Variants in MAST4 observed in about 807,000 individuals in gnomAD.
The protein encoded by MAST4 is microtubule-associated serine/threonine-protein kinase 4.
MAST4 carries 89 observed loss-of-function variants against 162.7 expected under a neutral mutation model. The observed-to-expected ratio is 0.55, with a 90% CI of 0.46 to 0.65. The LOEUF (loss-of-function observed/expected upper bound fraction) is 0.65. Among genes scored for constraint, MAST4 ranks in the 30% least tolerant of loss-of-function variants. MAST4 has a pLI of 0.00. For synonymous variants in MAST4, 1,479 were observed against 1,361.1 expected, an observed-to-expected ratio of 1.09 and a Z score of -1.91; for missense variants, 3,153 against 3,374.0, an observed-to-expected ratio of 0.93 and a Z score of 1.62.
intron 3 of MAST4, among the ~76,000 whole-genome samples, chr5:66,890,504 A>G (rs1323632036): frequency 6.6e-6 from 1 of 152,162 alleles, no homozygotes; most frequent in Non-Finnish European, 1.5e-5. Flanking sequence ...TGATTATTTG[A>G]CTTGTTACGC....
intron 3 of MAST4, among the ~76,000 whole-genome samples, chr5:66,897,739 C>A (rs1204163311): frequency 2.0e-5 from 3 of 152,140 alleles, no homozygotes; most frequent in African/African-American, 7.2e-5. Flanking sequence ...GCTGCCATCC[C>A]GTGGAGCAGC....
chr5:66,733,860 G>C (rs1752007268), intron 1 of MAST4, among the ~76,000 whole-genome samples: 1 of 152,084 alleles, frequency 6.6e-6, no homozygotes, highest in Admixed American at 6.6e-5. Context: ...TTACTTAGTG[G>C]TATATGCCTG....
chr5:66,694,977 A>G (rs778048145), intron 1 of MAST4, among the ~76,000 whole-genome samples: 9 of 151,370 alleles, frequency 5.9e-5, no homozygotes, highest in Non-Finnish European at 1.3e-4. Flanking sequence ...TTGTCTGTTC[A>G]CTCTGATGAT....
chr5:67,153,482 T>C lies in MAST4; in HGVS notation c.3550T>C (p.Cys1184Arg), dbSNP rs759047418. ...GAATGTAGAAGAAGGAAGTCCGGCA[T>C]GCCAGGCAGGACTGAAGGCTGGAGA... The part of the protein sequence containing the change: ...VWNVEEGSPA[C>R]QAGLKAGDLI... Residue 1184 changes from cysteine to arginine, a missense_variant, in exon 26 of 29, where the codon TGC becomes CGC. Coordinates refer to ENST00000403625, the MANE Select transcript of MAST4 (RefSeq NM_001164664.2). The C allele has an allele frequency of 3.1e-6, 5 of 1,604,820 alleles. No homozygotes were observed. The highest frequency in any genetic ancestry group is 4.3e-6 in the Non-Finnish European group (5 of 1,175,378).
chr5:66,917,004 T>C, intron 4 of MAST4: 1 of 718,192 alleles, frequency 1.4e-6, no homozygotes. Flanking sequence ...AGAAGTGGAA[T>C]TGCTTGGTCA....
intron 1 of MAST4, among the ~76,000 whole-genome samples, chr5:66,682,186 C>A (rs1416216000): frequency 8.1e-6 from 1 of 123,088 alleles, no homozygotes; most frequent in Non-Finnish European, 1.9e-5. Flanking sequence ...AGGTCAAGAC[C>A]AAGAGTAGTC....
Position 67,153,455 on chromosome 5 carries a change from T to C in MAST4, c.3526-3T>C, listed in dbSNP as rs1342348159. 11 of 1,602,646 alleles carry C rather than the reference T, an allele frequency of 6.9e-6. No individual in the cohort carries two copies. The highest frequency in any genetic ancestry group is 6.8e-5 in the Admixed American group (4 of 58,726). ...ACAAATATCCTCTCCTCTTGGACTT[T>C]AGAATGTAGAAGAAGGAAGTCCGGC... On this transcript the variant is annotated splice_polypyrimidine_tract_variant and splice_region_variant and intron_variant, in intron 25 of 28. Coordinates refer to ENST00000403625, the MANE Select transcript of MAST4 (RefSeq NM_001164664.2).
chr5:66,976,868 T>C (rs1006555098), intron 4 of MAST4, among the ~76,000 whole-genome samples: 3 of 152,308 alleles, frequency 2.0e-5, no homozygotes, highest in Admixed American at 6.5e-5. Context: ...TAAGTACCCT[T>C]TTTAACACTT....
At chr5:66,769,699 G>A (rs557465774) in intron 2 of MAST4, among the ~76,000 whole-genome samples, 5 of 152,306 alleles carry the variant, frequency 3.3e-5, no homozygotes, top group African/African-American at 1.2e-4. Context: ...ATATTATCCT[G>A]TTACAGGACC....
chr5:67,124,232 T>C (rs576099584), intron 14 of MAST4, among the ~76,000 whole-genome samples: 1 of 152,164 alleles, frequency 6.6e-6, no homozygotes, highest in Admixed American at 6.6e-5. Flanking sequence ...CACAGGGAGG[T>C]CAGTGTAGGA....
chr5:66,899,430 A>C (rs556654466), intron 3 of MAST4, among the ~76,000 whole-genome samples: 24 of 152,352 alleles, frequency 1.6e-4, no homozygotes, highest in African/African-American at 5.8e-4. Flanking sequence ...TTGAGAAATA[A>C]TACCAAAAGG....
Position 66,784,906 on chromosome 5 carries a change from C to G in MAST4, c.518-3764C>G, listed in dbSNP as rs56713133. Among the ~76,000 whole-genome samples the G allele has an allele frequency of 2.6e-3, 392 of 152,286 alleles. 1 individual carries two copies. The highest frequency in any genetic ancestry group is 9.1e-3 in the African/African-American group (377 of 41,562). On this transcript the variant is annotated intron_variant, in intron 2 of 28. Coordinates refer to ENST00000403625, the MANE Select transcript of MAST4 (RefSeq NM_001164664.2). ...TGGAACTAAATAAGTTGCTCAACTGCATGTGACTGTAAAAACTGGGTTGCA... is the reference window on the plus strand; with the variant it reads ...TGGAACTAAATAAGTTGCTCAACTGGATGTGACTGTAAAAACTGGGTTGCA...
intron 5 of MAST4, among the ~76,000 whole-genome samples, chr5:67,064,326 G>A (rs774783871): frequency 6.6e-6 from 1 of 152,136 alleles, no homozygotes; most frequent in East Asian, 1.9e-4. Context: ...CAATGAGGGA[G>A]GCGTCCATCT....
chr5:67,131,401 G>A (rs769800071), intron 15 of MAST4, among the ~76,000 whole-genome samples: 1 of 152,040 alleles, frequency 6.6e-6, no homozygotes, highest in Non-Finnish European at 1.5e-5. Flanking sequence ...TACCATCCTC[G>A]TATTACAGGT....
At chr5:66,607,567 T>C (rs1742973120) in intron 1 of MAST4, among the ~76,000 whole-genome samples, 1 of 152,210 alleles carries the variant, frequency 6.6e-6, no homozygotes, top group Non-Finnish European at 1.5e-5. Context: ...TTTAACATGT[T>C]AACAGTAATA....
At chr5:66,891,190 C>T (rs1005386286) in intron 3 of MAST4, among the ~76,000 whole-genome samples, 1 of 152,178 alleles carries the variant, frequency 6.6e-6, no homozygotes, top group Non-Finnish European at 1.5e-5. Context: ...GCCCTCAGTG[C>T]TTTTAGACAG....
intron 3 of MAST4, among the ~76,000 whole-genome samples, chr5:66,831,970 T>C (rs1415319636): frequency 6.6e-6 from 1 of 152,194 alleles, no homozygotes; most frequent in African/African-American, 2.4e-5. Flanking sequence ...GTCAGGGAAA[T>C]TAATTGTTTC....
Position 67,165,335 on chromosome 5 carries a change from G to C in MAST4, c.6156G>C (p.Arg2052Ser). 1 of 1,613,630 alleles carries C rather than the reference G, an allele frequency of 6.2e-7. No individual in the cohort carries two copies. The highest frequency in any genetic ancestry group is 1.7e-5 in the Admixed American group (1 of 60,026). The change falls in exon 29 of 29, where the codon AGG (arginine) becomes AGC (serine). Residue 2052 changes from arginine to serine, a missense_variant. Arg to Ser is a moderately radical substitution (Grantham distance 110, BLOSUM62 -1). Coordinates refer to ENST00000403625, the MANE Select transcript of MAST4 (RefSeq NM_001164664.2). ...ACAAAGATGGCCCAGGTGAGGCGAGGCCCCCGCCCAGAGACAACTCCTCTC... is the reference window on the plus strand; with the variant it reads ...ACAAAGATGGCCCAGGTGAGGCGAGCCCCCCGCCCAGAGACAACTCCTCTC... The part of the protein sequence containing the change: ...TNHKDGPGEA[R>S]PPPRDNSSLH...
At chr5:66,965,587 C>G (rs867967079) in intron 4 of MAST4, among the ~76,000 whole-genome samples, 204 of 51,822 alleles carry the variant, frequency 3.9e-3, no homozygotes, top group Non-Finnish European at 4.4e-3. Flanking sequence ...TTGGTGGGGG[C>G]GGGGGGGGGG....
Sources: allele counts gnomAD v4.1 joint callset (sites outside exome capture counted in the v4.1 genomes callset), GRCh38; gene constraint gnomAD v4.1.1; transcripts MANE v1.5; gene names NCBI Gene and HGNC (gene_info 2026-07-23, HGNC 2026-07-21).